The following SLC7A8 variants were observed in gnomAD, a reference collection of about 807,000 sequenced individuals.
SLC7A8 encodes solute carrier family 7 member 8.
Under a neutral mutation model 51.2 loss-of-function variants are expected in SLC7A8, and 30 were observed. The ratio of observed to expected loss-of-function variants is 0.59; its 90% confidence interval spans 0.44 to 0.80. The LOEUF (loss-of-function observed/expected upper bound fraction) is 0.80, where lower values mean the gene tolerates loss of function less well. SLC7A8 is among the 30% of genes least tolerant of loss of function. The pLI is 0.00. For synonymous variants in SLC7A8, 257 were observed against 275.8 expected, an observed-to-expected ratio of 0.93 and a Z score of 0.67; for missense variants, 612 against 674.4, an observed-to-expected ratio of 0.91 and a Z score of 1.03.
intron 5 of SLC7A8, 152 bp from the exon 6 acceptor site, chr14:23,139,699 A>G (rs1041189143): frequency 1.0e-6 from 1 of 980,336 alleles, no homozygotes; most frequent in African/African-American, 1.7e-5. Flanking sequence ...CTTTGTCTCA[A>G]TATGGGCAGG....
intron 1 of SLC7A8, among the ~76,000 whole-genome samples, chr14:23,172,501 C>T (rs1427982039): frequency 6.6e-6 from 1 of 152,160 alleles, no homozygotes; most frequent in African/African-American, 2.4e-5. Flanking sequence ...GAAAGACAGG[C>T]ATCGTAGCCT....
chr14:23,160,526 G>A (rs1252544532), intron 3 of SLC7A8, among the ~76,000 whole-genome samples: 2 of 149,062 alleles, frequency 1.3e-5, no homozygotes, highest in Non-Finnish European at 3.0e-5. Flanking sequence ...AGCCGAGATC[G>A]CGCCACTGCA....
chr14:23,140,671 G>A (rs2140312672), intron 4 of SLC7A8, 47 bp from the exon 5 acceptor site: 6 of 1,579,768 alleles, frequency 3.8e-6, no homozygotes, highest in Non-Finnish European at 5.2e-6. Flanking sequence ...CAAGTCAGGG[G>A]CCCAGCAGCC....
At chr14:23,139,736 G>A (rs928886279) in intron 5 of SLC7A8, among the ~76,000 whole-genome samples, 189 bp from the exon 6 acceptor site, 13 of 152,060 alleles carry the variant, frequency 8.5e-5, no homozygotes, top group African/African-American at 1.9e-4. Flanking sequence ...GAGGCTGAGC[G>A]TGGTGGTTCA....
At chr14:23,171,022 C>A (rs2140338045) in intron 1 of SLC7A8, among the ~76,000 whole-genome samples, 1 of 152,238 alleles carries the variant, frequency 6.6e-6, no homozygotes. Flanking sequence ...AGCCATCCTG[C>A]CCGGCCAACA....
intron 4 of SLC7A8, among the ~76,000 whole-genome samples, chr14:23,142,738 G>A (rs1374446404): frequency 6.6e-6 from 1 of 152,142 alleles, no homozygotes; most frequent in African/African-American, 2.4e-5. Context: ...CTGGGCTCAA[G>A]TGATCCTCCT....
At chr14:23,134,231 C>T (rs1006676162) in intron 7 of SLC7A8, among the ~76,000 whole-genome samples, 2 of 151,296 alleles carry the variant, frequency 1.3e-5, no homozygotes, top group South Asian at 2.1e-4. Context: ...TTTTAAAAAT[C>T]GCAAAATGCA....
At chr14:23,156,003 C>CTTTT (rs556425559) in intron 3 of SLC7A8, among the ~76,000 whole-genome samples, 1 of 145,428 alleles carries the variant, frequency 6.9e-6, no homozygotes, top group African/African-American at 2.5e-5. Flanking sequence ...CTTTTCTTTT[C>CTTTT]TTTTTTTTTT....
intron 7 of SLC7A8, among the ~76,000 whole-genome samples, chr14:23,134,798 T>G (rs1259611890): frequency 5.3e-5 from 8 of 152,248 alleles, no homozygotes; most frequent in African/African-American, 1.4e-4. Context: ...CAAGTACAGT[T>G]GTAAGAAATA....
chr14:23,137,007 C>T (rs531510156), intron 7 of SLC7A8, among the ~76,000 whole-genome samples: 48 of 152,328 alleles, frequency 3.2e-4, no homozygotes, highest in Admixed American at 1.7e-3. Flanking sequence ...CCTGATGTGA[C>T]GGCTTTGGAA....
chr14:23,137,734 G>A (rs977041314), intron 7 of SLC7A8, among the ~76,000 whole-genome samples, 187 bp downstream of exon 7: 3 of 152,074 alleles, frequency 2.0e-5, no homozygotes, highest in Admixed American at 6.5e-5. Flanking sequence ...GTGACCACGT[G>A]AGCAGCACAC....
chr14:23,178,329 C>A (rs931887365), intron 1 of SLC7A8, among the ~76,000 whole-genome samples: 2 of 152,180 alleles, frequency 1.3e-5, no homozygotes, highest in African/African-American at 4.8e-5. Context: ...ATGCTGCCAA[C>A]AGGTTTCCTT....
intron 10 of SLC7A8, among the ~76,000 whole-genome samples, chr14:23,127,811 C>G (rs2048592365): frequency 6.6e-6 from 1 of 152,172 alleles, no homozygotes; most frequent in Admixed American, 6.5e-5. Context: ...GGTCTAAGGT[C>G]TGTGTGGAAA....
chr14:23,149,231 T>C (rs1189575672), intron 3 of SLC7A8, among the ~76,000 whole-genome samples: 1 of 152,212 alleles, frequency 6.6e-6, no homozygotes, highest in South Asian at 2.1e-4. Flanking sequence ...GGTAATTCAA[T>C]ACAGTAGCAA....
At chr14:23,157,921 G>A (rs74404168) in intron 3 of SLC7A8, among the ~76,000 whole-genome samples, 30 of 152,218 alleles carry the variant, frequency 2.0e-4, no homozygotes, top group Non-Finnish European at 3.8e-4. Flanking sequence ...GGGTTCCTTG[G>A]TACAAAAACT....
chr14:23,142,904 G>A (rs1019296807), intron 4 of SLC7A8, among the ~76,000 whole-genome samples, 175 bp downstream of exon 4: 7 of 152,120 alleles, frequency 4.6e-5, no homozygotes, highest in African/African-American at 1.7e-4. Context: ...CAGCCACCTC[G>A]GGGAAAATGG....
At chr14:23,155,166 A>T in intron 3 of SLC7A8, 2 of 1,535,838 alleles carry the variant, frequency 1.3e-6, no homozygotes, top group South Asian at 1.2e-5. Context: ...AAGCACTTAC[A>T]ACGTTTTAGA....
chr14:23,159,918 C>T (rs1010758921), intron 3 of SLC7A8, among the ~76,000 whole-genome samples: 2 of 152,120 alleles, frequency 1.3e-5, no homozygotes, highest in Non-Finnish European at 2.9e-5. Context: ...GAGATGCATA[C>T]AGGATATTTC....
intron 4 of SLC7A8, among the ~76,000 whole-genome samples, chr14:23,142,379 A>G (rs940973845): frequency 1.3e-5 from 2 of 152,216 alleles, no homozygotes. Context: ...GTAATTTTGA[A>G]ACATAAAATA....
Sources: gnomAD v4.1 joint callset for allele counts (sites outside exome capture counted in the v4.1 genomes callset) on GRCh38, gnomAD v4.1.1 for gene constraint, MANE v1.5 for transcripts, NCBI Gene and HGNC (gene_info 2026-07-23, HGNC 2026-07-21) for gene names.